CEMIP: variants seen among roughly 807,000 people sequenced by gnomAD.
CEMIP encodes the protein cell migration-inducing and hyaluronan-binding protein.
In CEMIP, 105 loss-of-function variants were observed where a neutral mutation model predicts 156.9. That is an observed-to-expected ratio of 0.67 (90% CI 0.57 to 0.79). The LOEUF (loss-of-function observed/expected upper bound fraction) is 0.79. Among genes scored for constraint, CEMIP ranks in the 30% least tolerant of loss-of-function variants. The pLI is 0.00. For missense variants in CEMIP, 1,457 were observed against 1,769.4 expected (o/e 0.82, Z 3.17); for synonymous variants, 676 against 668.4 (o/e 1.01, Z -0.17).
chr15:80,891,936 C>A (rs1055360648), intron 10 of CEMIP, among the ~76,000 whole-genome samples: 2 of 152,202 alleles, frequency 1.3e-5, no homozygotes, highest in African/African-American at 4.8e-5. Context: ...AGCAGGATTT[C>A]CCCATTTTTA....
chr15:80,849,824 T>C (rs1451187676), intron 1 of CEMIP, among the ~76,000 whole-genome samples: 1 of 152,140 alleles, frequency 6.6e-6, no homozygotes, highest in Non-Finnish European at 1.5e-5. Context: ...CAGGCAGGGA[T>C]GCTGAGCAAG....
intron 1 of CEMIP, among the ~76,000 whole-genome samples, chr15:80,845,909 C>T (rs1360539808): frequency 6.6e-6 from 1 of 152,196 alleles, no homozygotes; most frequent in Non-Finnish European, 1.5e-5. Context: ...CCTCCTCCCT[C>T]CATCCTCTAG....
At chr15:80,823,066 TAACAAC>T (rs369505880) in intron 1 of CEMIP, among the ~76,000 whole-genome samples, 1 of 152,122 alleles carries the variant, frequency 6.6e-6, no homozygotes, top group African/African-American at 2.4e-5. Flanking sequence ...AAAATAACAA[TAACAAC>T]AACAACAACA....
rs1596219460 is a variant in CEMIP, at chr15:80,950,297, A to G, written c.*1373A>G. The G allele has an allele frequency of 6.6e-6, 1 of 152,256 alleles. No individual in the cohort carries two copies. The highest frequency in any genetic ancestry group is 1.5e-5 in the Non-Finnish European group (1 of 68,096). The allele number at this position is 152,256 out of a possible 1,614,324, so 9.4% of individuals were successfully genotyped here. Reference sequence around the variant, plus strand: ...GCTAAGGGAGGGCCTGGGGAGCCCCACCCTAGCCCTTGCTGCCACACCACA... The same window carrying G: ...GCTAAGGGAGGGCCTGGGGAGCCCCGCCCTAGCCCTTGCTGCCACACCACA... On this transcript the variant is annotated 3_prime_UTR_variant, in exon 30 of 30. Coordinates refer to ENST00000394685, the MANE Select transcript of CEMIP (RefSeq NM_001293298.2).
intron 1 of CEMIP, among the ~76,000 whole-genome samples, chr15:80,789,578 T>A (rs1004348647): frequency 4.6e-5 from 7 of 152,118 alleles, no homozygotes; most frequent in Non-Finnish European, 8.8e-5. Flanking sequence ...ATTTTTTTTT[T>A]AAATAAAAAG....
intron 1 of CEMIP, among the ~76,000 whole-genome samples, chr15:80,834,745 G>A (rs1257909709): frequency 2.0e-5 from 3 of 152,078 alleles, no homozygotes; most frequent in Non-Finnish European, 2.9e-5. Context: ...TACTGTTCTT[G>A]GCCCTTAGCA....
chr15:80,824,119 G>C (rs187073238), intron 1 of CEMIP, among the ~76,000 whole-genome samples: 2 of 152,232 alleles, frequency 1.3e-5, no homozygotes, highest in Non-Finnish European at 2.9e-5. Flanking sequence ...TTGCTTATCA[G>C]CGCAAGTGAG....
intron 12 of CEMIP, among the ~76,000 whole-genome samples, chr15:80,900,443 C>T (rs1184014831): frequency 5.9e-5 from 9 of 152,102 alleles, no homozygotes; most frequent in African/African-American, 1.9e-4. Context: ...CTTGTTTCCG[C>T]GTTAGCCCCA....
Position 80,797,437 on chromosome 15 carries a change from C to T in CEMIP, c.-176+17823C>T, listed in dbSNP as rs184321882. On this transcript the variant is annotated intron_variant, in intron 1 of 29. Transcript: ENST00000394685. The stretch of plus-strand genomic sequence containing the variant: ...AGGGTCCAGCTGCTCCTGGGGTGCT[C>T]ATGGTCTAAGGGGATAGAGAGATGT... Among the ~76,000 whole-genome samples the T allele has an allele frequency of 1.1e-3, 168 of 152,148 alleles. 1 individual carries two copies. The highest frequency in any genetic ancestry group is 1.5e-3 in the Non-Finnish European group (99 of 68,008).
chr15:80,830,629 T>A (rs11072950), intron 1 of CEMIP, among the ~76,000 whole-genome samples: 39,611 of 152,138 alleles, frequency 0.26, 5,198 homozygotes, highest in East Asian at 0.4. Flanking sequence ...TTGTTTTTTT[T>A]AAGGTGACTC....
intron 14 of CEMIP, among the ~76,000 whole-genome samples, chr15:80,912,003 G>A (rs537901342): frequency 5.1e-4 from 78 of 152,198 alleles, no homozygotes; most frequent in African/African-American, 1.9e-3. Flanking sequence ...GCTGGGAGAG[G>A]CTGTGATTGC....
At chr15:80,852,990 AGC>A in intron 1 of CEMIP, among the ~76,000 whole-genome samples, 1 of 152,356 alleles carries the variant, frequency 6.6e-6, no homozygotes, top group South Asian at 2.1e-4. Flanking sequence ...ACTCCTGTCC[AGC>A]CCTGGGATAC....
chr15:80,881,674 T>C (rs1346653270), intron 6 of CEMIP, among the ~76,000 whole-genome samples: 6 of 152,150 alleles, frequency 3.9e-5, no homozygotes, highest in Non-Finnish European at 8.8e-5. Context: ...GGACAGGACC[T>C]CGGAGGCTGC....
intron 1 of CEMIP, among the ~76,000 whole-genome samples, chr15:80,870,133 T>C (rs1168133023): frequency 6.6e-6 from 1 of 152,192 alleles, no homozygotes; most frequent in African/African-American, 2.4e-5. Flanking sequence ...ATGGCTGGGA[T>C]TGAAGACTCT....
At chr15:80,909,345 C>T (rs1162158865) in intron 14 of CEMIP, 39 bp downstream of exon 14, 3 of 1,595,502 alleles carry the variant, frequency 1.9e-6, no homozygotes, top group Non-Finnish European at 2.6e-6. Context: ...TGGGGATGGG[C>T]CATGGATGGT....
chr15:80,845,422 C>G (rs899949965), intron 1 of CEMIP, among the ~76,000 whole-genome samples: 4 of 152,040 alleles, frequency 2.6e-5, no homozygotes, highest in African/African-American at 9.7e-5. Flanking sequence ...CAAAGTGAGA[C>G]CCTATTTCAA....
At position 80,896,058 on chromosome 15, in the gene CEMIP, C is replaced by A; in HGVS notation, c.1409C>A (p.Ala470Glu). ...TGCGCCCCCAACCAGGTCAAAGTGGCAGGTAGGACTTTTACTAATCCCTTC... is the reference window on the plus strand; with the variant it reads ...TGCGCCCCCAACCAGGTCAAAGTGGAAGGTAGGACTTTTACTAATCCCTTC... ...RSCAPNQVKV[A>E]GKPMYLHIGE... is the part of the protein sequence containing the mutation. The change falls in exon 12 of 30, where the codon GCA (alanine) becomes GAA (glutamate). Residue 470 changes from alanine to glutamate, a missense_variant and splice_region_variant. This residue lies in a region of CEMIP where 280 missense variants were observed against 300.3 expected (regional missense o/e 0.93). Coordinates refer to ENST00000394685, the MANE Select transcript of CEMIP (RefSeq NM_001293298.2). The A allele has an allele frequency of 6.2e-7, 1 of 1,613,748 alleles. No homozygotes were observed. Among genetic ancestry groups the A allele is most frequent in the Non-Finnish European group, 8.5e-7 (1 of 1,179,946 alleles).
chr15:80,901,471 G>A (rs1184165706), intron 12 of CEMIP, among the ~76,000 whole-genome samples: 2 of 152,146 alleles, frequency 1.3e-5, no homozygotes, highest in African/African-American at 4.8e-5. Context: ...GGAGGCTGAG[G>A]TGGGTGGATC....
intron 12 of CEMIP, among the ~76,000 whole-genome samples, chr15:80,901,198 C>T (rs1272455021): frequency 1.3e-5 from 2 of 152,090 alleles, no homozygotes; most frequent in Non-Finnish European, 2.9e-5. Flanking sequence ...ACATGAATTT[C>T]GTTTTCTGTG....
Sources: gnomAD v4.1 joint callset for allele counts (sites outside exome capture counted in the v4.1 genomes callset) on GRCh38, gnomAD v4.1.1 for gene constraint, gnomAD v4.1.1 regional missense constraint, MANE v1.5 for transcripts, NCBI Gene and HGNC (gene_info 2026-07-23, HGNC 2026-07-21) for gene names.